FAM193A: variants seen among roughly 807,000 people sequenced by gnomAD.
The protein encoded by FAM193A is protein FAM193A.
In FAM193A, 22 loss-of-function variants were observed where a neutral mutation model predicts 126.5. The observed-to-expected ratio is 0.17, with a 90% CI of 0.12 to 0.25. The LOEUF (loss-of-function observed/expected upper bound fraction) is 0.25. Among genes scored for constraint, FAM193A ranks in the 10% least tolerant of loss-of-function variants. The pLI, the probability that FAM193A is intolerant of heterozygous loss-of-function variation, is 1.00. For missense variants in FAM193A, 1,675 were observed against 1,672.8 expected, an observed-to-expected ratio of 1.00 and a Z score of -0.02; for synonymous variants, 761 against 646.8, an observed-to-expected ratio of 1.18 and a Z score of -2.68.
chr4:2,710,243 C>T (rs1316032502), intron 19 of FAM193A, among the ~76,000 whole-genome samples: 11 of 135,202 alleles, frequency 8.1e-5, no homozygotes, highest in Admixed American at 5.0e-4. Context: ...GGCGTGTTCT[C>T]GGCTCACTGC....
At chr4:2,551,012 G>A (rs540204872) in intron 1 of FAM193A, among the ~76,000 whole-genome samples, 1 of 152,122 alleles carries the variant, frequency 6.6e-6, no homozygotes, top group Admixed American at 6.6e-5. Flanking sequence ...ATGTTAGCCA[G>A]GATGGTCTTG....
chr4:2,728,197 A>C (rs917957037), intron 20 of FAM193A, among the ~76,000 whole-genome samples: 1 of 150,498 alleles, frequency 6.6e-6, no homozygotes, highest in Non-Finnish European at 1.5e-5. Context: ...CGGCCTCCCA[A>C]AGTGCTGGGA....
chr4:2,562,207 G>A (rs556306841), intron 1 of FAM193A, among the ~76,000 whole-genome samples: 1 of 152,254 alleles, frequency 6.6e-6, no homozygotes, highest in South Asian at 2.1e-4. Flanking sequence ...CAGCACTTTG[G>A]GAGGTTGAGG....
intron 20 of FAM193A, among the ~76,000 whole-genome samples, chr4:2,718,742 T>A (rs1719807078): frequency 6.6e-6 from 1 of 151,878 alleles, no homozygotes; most frequent in Admixed American, 6.6e-5. Flanking sequence ...TTTTTTTTTT[T>A]AAGTGTGTAA....
intron 6 of FAM193A, among the ~76,000 whole-genome samples, chr4:2,640,335 T>C (rs1170124298): frequency 6.6e-6 from 1 of 152,168 alleles, no homozygotes; most frequent in African/African-American, 2.4e-5. Context: ...TGTGGCTTCT[T>C]CACGCTTGGG....
rs772309595 is a variant in FAM193A at position 2,699,857 on chromosome 4, A to G, written c.3685A>G (p.Lys1229Glu). 4.3e-6 allele frequency: 7 copies of G among 1,613,958 alleles called. No homozygotes were observed. The highest frequency in any genetic ancestry group is 2.7e-5 in the African/African-American group (2 of 74,996). ...GCTAAGAGCTGTAAAAAAGAAGAAGAAGGAGAGGCCAAGTAAAGACTGCCC... is the reference window on the plus strand; with the variant it reads ...GCTAAGAGCTGTAAAAAAGAAGAAGGAGGAGAGGCCAAGTAAAGACTGCCC... ...QKLRAVKKKK[K>E]ERPSKDCPKL... The change falls in exon 19 of 21, where the codon AAG (lysine) becomes GAG (glutamate). Residue 1229 changes from lysine (K) to glutamate (E), a missense_variant. By Grantham distance (56) the Lys-to-Glu change is moderately conservative (BLOSUM62 1). Transcript: ENST00000637812.
chr4:2,624,199 C>G (rs1577089314), intron 2 of FAM193A, among the ~76,000 whole-genome samples: 2 of 151,376 alleles, frequency 1.3e-5, no homozygotes, highest in Non-Finnish European at 2.9e-5. Context: ...TTTTTTGAGA[C>G]AAAGTCTCGG....
At chr4:2,569,562 A>T (rs1379222474) in intron 1 of FAM193A, among the ~76,000 whole-genome samples, 1 of 152,062 alleles carries the variant, frequency 6.6e-6, no homozygotes, top group Non-Finnish European at 1.5e-5. Flanking sequence ...GCAGTGGCCG[A>T]TCATGACTCA....
At chr4:2,572,732 T>TA (rs1207348399) in intron 1 of FAM193A, among the ~76,000 whole-genome samples, 22 of 150,952 alleles carry the variant, frequency 1.5e-4, no homozygotes, top group African/African-American at 5.1e-4. Context: ...GGTCTTTAGA[T>TA]TAAGTGCAGT....
At chr4:2,608,275 T>C in intron 2 of FAM193A, 1 of 654,942 alleles carries the variant, frequency 1.5e-6, no homozygotes. Context: ...ACCTCCTGTG[T>C]TCAAGCAACC....
At chr4:2,676,200 C>T (rs985788070) in intron 13 of FAM193A, among the ~76,000 whole-genome samples, 7 of 152,158 alleles carry the variant, frequency 4.6e-5, no homozygotes, top group African/African-American at 9.7e-5. Context: ...GAACTGCCAC[C>T]GTTTCCTACA....
At chr4:2,712,923 T>C (rs1332071912) in intron 19 of FAM193A, among the ~76,000 whole-genome samples, 1 of 151,354 alleles carries the variant, frequency 6.6e-6, no homozygotes, top group Non-Finnish European at 1.5e-5. Context: ...GCCAAGATGG[T>C]GAAACCCCAT....
intron 1 of FAM193A, among the ~76,000 whole-genome samples, chr4:2,568,461 A>G (rs1181879652): frequency 1.3e-5 from 2 of 152,188 alleles, no homozygotes; most frequent in Non-Finnish European, 2.9e-5. Context: ...TGCAGGCTAC[A>G]GTGAGCTGTG....
At chr4:2,689,824 C>T in intron 14 of FAM193A, 120 bp downstream of exon 14, 1 of 671,866 alleles carries the variant, frequency 1.5e-6, no homozygotes. Flanking sequence ...TCCACCACCT[C>T]TGTCTCCAGT....
chr4:2,700,596 GT>G (rs1560587749), intron 19 of FAM193A, 52 bp downstream of exon 19: 1 of 1,568,212 alleles, frequency 6.4e-7, no homozygotes, highest in Admixed American at 1.9e-5. Flanking sequence ...GGTTTTCCAT[GT>G]GTGATGTGCT....
chr4:2,678,687 C>T (rs1297241277), intron 13 of FAM193A, among the ~76,000 whole-genome samples: 1 of 152,120 alleles, frequency 6.6e-6, no homozygotes, highest in African/African-American at 2.4e-5. Flanking sequence ...TTGATGCTGT[C>T]GTGAATGGAA....
At chr4:2,711,464 C>T (rs1386379077) in intron 19 of FAM193A, among the ~76,000 whole-genome samples, 6 of 151,692 alleles carry the variant, frequency 4.0e-5, no homozygotes, top group East Asian at 2.0e-4. Flanking sequence ...CTCAGCCTCC[C>T]GAGTAGCTGG....
At chr4:2,550,200 C>T (rs1224719808) in intron 1 of FAM193A, among the ~76,000 whole-genome samples, 1 of 150,142 alleles carries the variant, frequency 6.7e-6, no homozygotes, top group Non-Finnish European at 1.5e-5. Context: ...TGTGCACCAC[C>T]ACTCCTGGCT....
chr4:2,570,164 G>C (rs1302633033), intron 1 of FAM193A, among the ~76,000 whole-genome samples: 1 of 151,986 alleles, frequency 6.6e-6, no homozygotes, highest in Non-Finnish European at 1.5e-5. Flanking sequence ...CCGGGATTCT[G>C]GACAGTAGTG....
Sources: allele counts gnomAD v4.1 joint callset (sites outside exome capture counted in the v4.1 genomes callset), GRCh38; gene constraint gnomAD v4.1.1; transcripts MANE v1.5; gene names NCBI Gene and HGNC (gene_info 2026-07-23, HGNC 2026-07-21).